OPTN: variants seen among roughly 807,000 people sequenced by gnomAD.
OPTN encodes the protein optineurin.
A neutral mutation model predicts 70.4 loss-of-function variants in OPTN; 54 were observed. That is an observed-to-expected ratio of 0.77 (90% CI 0.62 to 0.96). OPTN has a LOEUF of 0.96. Among genes scored for constraint, OPTN ranks in the 40% least tolerant of loss-of-function variants. OPTN has a pLI of 0.00. For missense variants in OPTN, 624 were observed against 673.2 expected, an observed-to-expected ratio of 0.93 and a Z score of 0.81; for synonymous variants, 256 against 248.5, an observed-to-expected ratio of 1.03 and a Z score of -0.28.
chr10:13,115,227 A>C (rs1405693019), intron 5 of OPTN, among the ~76,000 whole-genome samples: 4 of 94,866 alleles, frequency 4.2e-5, no homozygotes, highest in Non-Finnish European at 7.3e-5. Context: ...ATATTTATAT[A>C]TAGATATATC....
intron 5 of OPTN, among the ~76,000 whole-genome samples, chr10:13,115,211 A>ATATATATATTTATAGGTATATCTATATT (rs1554769089): frequency 3.5e-5 from 1 of 28,836 alleles, no homozygotes; most frequent in Non-Finnish European, 5.3e-5. Flanking sequence ...ATCTATATTT[A>ATATATATATTTATAGGTATATCTATATT]TATATATATT....
intron 1 of OPTN, among the ~76,000 whole-genome samples, chr10:13,107,141 G>A (rs534244201): frequency 2.6e-5 from 4 of 152,130 alleles, no homozygotes; most frequent in African/African-American, 9.6e-5. Context: ...TTTGGAGGCC[G>A]AGGCCAGCAG....
rs1466362629 is a variant in OPTN at position 13,125,426 on chromosome 10, C to G, written c.1007C>G (p.Ala336Gly). Residue 336 changes from alanine to glycine, a missense_variant, in exon 10 of 15, where the codon GCC becomes GGC. Physicochemically the swap from Ala to Gly is moderately conservative, Grantham distance 60. Transcript: ENST00000378747. ...MKKRLQEKCQ[A>G]LERKNSAIPS... ...ATCTTGACCTTTCTTAGGTGTCAGG[C>G]CCTTGAAAGGAAAAATTCTGCAATT... is the stretch of plus-strand genomic sequence containing the variant. 4.3e-6 allele frequency: 7 copies of G among 1,614,030 alleles called. No individual in the cohort carries two copies. The highest frequency in any genetic ancestry group is 5.9e-6 in the Non-Finnish European group (7 of 1,179,982).
Position 13,125,991 on chromosome 10 carries a change from A to G in OPTN, c.1194A>G (p.Gln398=). 6.2e-7 allele frequency: 1 copy of G among 1,613,166 alleles called. No individual in the cohort carries two copies. Among genetic ancestry groups the G allele is most frequent in the South Asian group, 1.1e-5 (1 of 91,050 alleles). ...VLQMTHNKLL[Q]EHNNALKTIE... ...AGATGACACACAACAAGCTTCTTCA[A>G]GAACATAATAATGCATTGAAAACAA... Residue 398 remains glutamine, a synonymous_variant, in exon 11 of 15, where the codon CAA becomes CAG. Transcript: ENST00000378747.
At chr10:13,134,855 G>A (rs904006502) in intron 14 of OPTN, among the ~76,000 whole-genome samples, 12 of 152,184 alleles carry the variant, frequency 7.9e-5, no homozygotes, top group African/African-American at 2.9e-4. Context: ...CAGAAGCAGA[G>A]GCAATGGTCT....
rs1302261740 is a variant in OPTN at position 13,122,368 on chromosome 10, C to T, written c.780-17C>T. 2 of 1,566,236 alleles carry T rather than the reference C, an allele frequency of 1.3e-6. No homozygotes were observed. The highest frequency in any genetic ancestry group is 2.7e-5 in the African/African-American group (2 of 73,984). On this transcript the variant is annotated splice_polypyrimidine_tract_variant and intron_variant, in intron 7 of 14. Transcript: ENST00000378747. ...GCCAAAGAGAAAGTAACTTTTCTAT[C>T]TTCTGTGATTTTCCAGAGTTTCAGA...
chr10:13,112,627 A>C lies in OPTN; in HGVS notation c.544A>C (p.Arg182=). 1 of 1,614,174 alleles carries C rather than the reference A, an allele frequency of 6.2e-7. No individual in the cohort carries two copies. The highest frequency in any genetic ancestry group is 8.5e-7 in the Non-Finnish European group (1 of 1,180,014). ...CTCAGAAGATTCCTTTGTTGAAATT[A>C]GGATGGCTGTGAGTTTTTGGTTTTA... ...GSSEDSFVEI[R]MAEGEAEGSV... is the part of the protein sequence containing the mutation. The change falls in exon 5 of 15, where the codon AGG becomes CGG. Residue 182 remains arginine (R), a synonymous_variant. Coordinates refer to ENST00000378747, the MANE Select transcript of OPTN (RefSeq NM_001008212.2).
In OPTN at chr10:13,112,450, C is replaced by T. The variant is rs1833029501; in HGVS notation, c.370-3C>T. 2.5e-6 allele frequency: 4 copies of T among 1,613,836 alleles called. No homozygotes were observed. In the East Asian group the frequency reaches 8.9e-5, roughly 36 times the overall value. ...CATTCACTTTACTCCTTGTCATCTC[C>T]AGGACCCCACTGATGACTCCAGGCT... On this transcript the variant is annotated splice_region_variant and splice_polypyrimidine_tract_variant and intron_variant, in intron 4 of 14. Transcript: ENST00000378747.
chr10:13,108,895 T>C, intron 2 of OPTN: 2 of 545,032 alleles, frequency 3.7e-6, no homozygotes, highest in South Asian at 3.7e-5. Context: ...CACACACACA[T>C]GCACACATGC....
chr10:13,102,946 T>TAA (rs1564351304), intron 1 of OPTN, among the ~76,000 whole-genome samples: 114 of 66,798 alleles, frequency 1.7e-3, no homozygotes, highest in South Asian at 0.014. Flanking sequence ...GAGTCTTAAT[T>TAA]TAAAAAAAAA....
chr10:13,126,566 C>G (rs901956065), intron 11 of OPTN, among the ~76,000 whole-genome samples: 2 of 152,088 alleles, frequency 1.3e-5, no homozygotes, highest in African/African-American at 4.8e-5. Flanking sequence ...AGGCGTGAGC[C>G]ACCGCGCCCG....
At chr10:13,133,413 T>G in intron 13 of OPTN, 89 bp from the exon 14 acceptor site, 1 of 1,156,748 alleles carries the variant, frequency 8.6e-7, no homozygotes, top group Non-Finnish European at 1.3e-6. Flanking sequence ...TGAGTCTTTT[T>G]TCCCCTACTT....
At chr10:13,111,049 C>A (rs1370033946) in intron 4 of OPTN, among the ~76,000 whole-genome samples, 2 of 152,148 alleles carry the variant, frequency 1.3e-5, no homozygotes, top group African/African-American at 4.8e-5. Flanking sequence ...GAGTGGATGT[C>A]AAAGATGATA....
At chr10:13,122,116 G>A (rs574654096) in intron 7 of OPTN, among the ~76,000 whole-genome samples, 6 of 152,312 alleles carry the variant, frequency 3.9e-5, no homozygotes, top group East Asian at 3.9e-4. Flanking sequence ...AAACATTGCT[G>A]CATAGGACAG....
chr10:13,122,256 A>C, intron 7 of OPTN, 129 bp from the exon 8 acceptor site: 1 of 700,524 alleles, frequency 1.4e-6, no homozygotes, highest in Non-Finnish European at 2.6e-6. Flanking sequence ...GTGAATGTGT[A>C]GAGATTTTGA....
At chr10:13,115,497 T>G (rs1432581211) in intron 5 of OPTN, among the ~76,000 whole-genome samples, 2 of 98,218 alleles carry the variant, frequency 2.0e-5, no homozygotes, top group African/African-American at 1.1e-4. Context: ...CTATATTATA[T>G]AATATAGAAT....
intron 12 of OPTN, among the ~76,000 whole-genome samples, chr10:13,128,199 A>T (rs1211342561): frequency 2.0e-5 from 3 of 152,098 alleles, no homozygotes; most frequent in Non-Finnish European, 4.4e-5. Context: ...TCTGTTGGGT[A>T]CACACCTAGG....
chr10:13,127,894 C>T lies in OPTN; in HGVS notation c.1392C>T (p.Leu464=). 2 of 1,614,170 alleles carry T rather than the reference C, an allele frequency of 1.2e-6. No homozygotes were observed. Among genetic ancestry groups the T allele is most frequent in the South Asian group, 2.2e-5 (2 of 91,078 alleles). ...AGGACCTGGAAACCATGACCATCCT[C>T]AGGGCTCAGGTGAGGCACCTTCCAA... ...QEEDLETMTI[L]RAQMEVYCSD... The change falls in exon 12 of 15, where the codon CTC becomes CTT. Residue 464 remains leucine (L), a synonymous_variant. Coordinates refer to ENST00000378747, the MANE Select transcript of OPTN (RefSeq NM_001008212.2).
intron 7 of OPTN, among the ~76,000 whole-genome samples, chr10:13,119,948 T>G (rs1833304996): frequency 6.6e-6 from 1 of 152,084 alleles, no homozygotes; most frequent in African/African-American, 2.4e-5. Flanking sequence ...TACAAGACCC[T>G]TATTAAATAT....
Sources: allele counts gnomAD v4.1 joint callset (sites outside exome capture counted in the v4.1 genomes callset), GRCh38; gene constraint gnomAD v4.1.1; transcripts MANE v1.5; gene names NCBI Gene and HGNC (gene_info 2026-07-23, HGNC 2026-07-21).